Variants in CEP120 observed in about 807,000 individuals in gnomAD.
CEP120 encodes centrosomal protein 120, also known as centrosomal protein of 120 kDa.
Under a neutral mutation model 126.5 loss-of-function variants are expected in CEP120, and 113 were observed. That is an observed-to-expected ratio of 0.89 (90% confidence interval 0.77 to 1.04). The LOEUF (loss-of-function observed/expected upper bound fraction) is 1.04. CEP120 is among the 50% of genes least tolerant of loss of function. The pLI is 0.00. For synonymous variants in CEP120, 400 were observed against 394.3 expected (o/e 1.01, Z -0.17); for missense variants, 1,230 against 1,155.7 (o/e 1.06, Z -0.93).
At position 123,364,555 on chromosome 5, in the gene CEP120, T is replaced by C. The variant is rs766382269; in HGVS notation, c.2521A>G (p.Lys841Glu). ...CCCCACTGCTGCTTGTAATGCAGTT[T>C]AGACTTAGTTGCAGATTCCAACTTT... is the stretch of plus-strand genomic sequence containing the variant. ...ERKLESATKS[K>E]LHYKQQWGRA... The change falls in exon 18 of 20, where the codon AAA becomes GAA. Residue 841 changes from lysine to glutamate, a missense_variant. Physicochemically the swap from Lys to Glu is moderately conservative, Grantham distance 56. Transcript: ENST00000306467. The C allele has an allele frequency of 6.2e-7, 1 of 1,606,476 alleles. No individual in the cohort carries two copies.
At chr5:123,420,531 G>A (rs989436726) in intron 1 of CEP120, among the ~76,000 whole-genome samples, 4 of 152,188 alleles carry the variant, frequency 2.6e-5, no homozygotes, top group African/African-American at 9.7e-5. Context: ...GAGGGGAAAT[G>A]AGACTGAAAA....
intron 17 of CEP120, among the ~76,000 whole-genome samples, chr5:123,365,108 C>A (rs1458694161): frequency 6.6e-6 from 1 of 151,476 alleles, no homozygotes; most frequent in Non-Finnish European, 1.5e-5. Context: ...TATCAGAAAG[C>A]AGTTTACTAA....
intron 2 of CEP120, among the ~76,000 whole-genome samples, chr5:123,417,249 C>T (rs1774444511): frequency 1.3e-5 from 2 of 152,136 alleles, no homozygotes; most frequent in Admixed American, 1.3e-4. Flanking sequence ...CAAATAAATC[C>T]ATGGACTACT....
chr5:123,380,963 CTTATTT>C lies in CEP120; in HGVS notation c.2103+1142_2103+1147del, dbSNP rs1195657121. On this transcript the variant is annotated intron_variant, in intron 14 of 19. Transcript: ENST00000306467. ...TAAAGAATAGAGACTTTGAAATACT[CTTATTT>C]TTGTCTTTCAGCTTTTTTAAAAGTT... Among the ~76,000 whole-genome samples, 4 of 152,002 alleles carry C rather than the reference CTTATTT, an allele frequency of 2.6e-5. No individual in the cohort carries two copies. In the East Asian group the frequency reaches 7.7e-4, roughly 29 times the overall value.
rs772270704 is a variant in CEP120, at chr5:123,399,274, G to T, written c.474C>A (p.Ile158=). ...APPRDGKVPA[I]LAGLDPRDIV... The stretch of plus-strand genomic sequence containing the variant: ...TGTCCCTGGGGTCAAGTCCAGCCAG[G>T]ATGGCAGGTACTTTACAGAGAAAAA... Residue 158 remains isoleucine (I), a synonymous_variant, in exon 5 of 20, where the codon ATC becomes ATA. Transcript: ENST00000306467. 1 of 1,613,976 alleles carries T rather than the reference G, an allele frequency of 6.2e-7. No homozygotes were observed. The highest frequency in any genetic ancestry group is 8.5e-7 in the Non-Finnish European group (1 of 1,179,906).
At chr5:123,366,471 G>T (rs183320197) in intron 17 of CEP120, among the ~76,000 whole-genome samples, 1 of 151,652 alleles carries the variant, frequency 6.6e-6, no homozygotes, top group African/African-American at 2.4e-5. Flanking sequence ...AAAATTCACC[G>T]GTTTCCAATC....
At chr5:123,412,579 T>G in intron 3 of CEP120, 39 bp from the exon 4 acceptor site, 1 of 1,477,672 alleles carries the variant, frequency 6.8e-7, no homozygotes, top group Non-Finnish European at 9.2e-7. Flanking sequence ...TAATAGTTAA[T>G]AAGGGAAAAA....
chr5:123,378,558 A>G, intron 14 of CEP120, 130 bp from the exon 15 acceptor site: 1 of 487,132 alleles, frequency 2.1e-6, no homozygotes, highest in Non-Finnish European at 3.5e-6. Context: ...CACAAATTAC[A>G]TCCGCCAATT....
At chr5:123,423,826 G>C (rs749517219), upstream of CEP120, among the ~76,000 whole-genome samples, 1 of 152,010 alleles carries the variant, frequency 6.6e-6, no homozygotes, top group Non-Finnish European at 1.5e-5. Flanking sequence ...TCAAATTTCC[G>C]ACCTTTGAAA....
intron 17 of CEP120, among the ~76,000 whole-genome samples, chr5:123,371,632 G>A (rs541413448): frequency 1.3e-5 from 2 of 152,056 alleles, no homozygotes; most frequent in South Asian, 4.1e-4. Flanking sequence ...TGGCCTGAAG[G>A]AAGCTGGAGA....
Position 123,391,341 on chromosome 5 carries a change from A to G in CEP120, c.811-4T>C, listed in dbSNP as rs756709763. On this transcript the variant is annotated splice_region_variant and splice_polypyrimidine_tract_variant and intron_variant, in intron 6 of 19. Transcript: ENST00000306467. Reference sequence around the variant, plus strand: ...GGTCTCCACAGCAGAGGTGAATCTAATATGAAAGGGAAAAATCAAAATAGG... The same window carrying G: ...GGTCTCCACAGCAGAGGTGAATCTAGTATGAAAGGGAAAAATCAAAATAGG... 2 of 1,602,272 alleles carry G rather than the reference A, an allele frequency of 1.2e-6. No individual in the cohort carries two copies. Among genetic ancestry groups the G allele is most frequent in the African/African-American group, 2.7e-5 (2 of 74,554 alleles).
intron 11 of CEP120, among the ~76,000 whole-genome samples, chr5:123,383,436 T>C (rs904610253): frequency 1.3e-5 from 2 of 152,158 alleles, no homozygotes; most frequent in South Asian, 4.1e-4. Flanking sequence ...CATGCACACA[T>C]GCATGCTGAC....
At chr5:123,403,478 G>A in intron 4 of CEP120, 1 of 339,816 alleles carries the variant, frequency 2.9e-6, no homozygotes, top group South Asian at 2.3e-5. Flanking sequence ...TAAATAAAAA[G>A]AGAAAACTGT....
intron 8 of CEP120, among the ~76,000 whole-genome samples, chr5:123,389,455 T>C (rs1772243710): frequency 2.0e-5 from 3 of 152,226 alleles, no homozygotes; most frequent in Admixed American, 6.5e-5. Context: ...GTTAGATAGA[T>C]TGCAATGACT....
chr5:123,405,050 T>C (rs979235245), intron 4 of CEP120, among the ~76,000 whole-genome samples: 2 of 152,162 alleles, frequency 1.3e-5, no homozygotes, highest in Admixed American at 6.5e-5. Context: ...TTAGCCCTAA[T>C]AGCAAATAAA....
intron 15 of CEP120, 95 bp from the exon 16 acceptor site, chr5:123,377,630 G>A: frequency 1.1e-6 from 1 of 919,238 alleles, no homozygotes; most frequent in Non-Finnish European, 1.6e-6. Flanking sequence ...AAATGTTGAG[G>A]ATATTTACAA....
chr5:123,395,137 A>G (rs561918896), intron 5 of CEP120, among the ~76,000 whole-genome samples: 5 of 152,344 alleles, frequency 3.3e-5, no homozygotes, highest in Admixed American at 3.3e-4. Context: ...AAAGATCCTT[A>G]TATATTTCAC....
At position 123,385,106 on chromosome 5, in the gene CEP120, G is replaced by A. The variant is rs1041230160; in HGVS notation, c.1608C>T (p.His536=). 6.2e-7 allele frequency: 1 copy of A among 1,613,010 alleles called. No individual in the cohort carries two copies. The highest frequency in any genetic ancestry group is 8.5e-7 in the Non-Finnish European group (1 of 1,179,496). ...LRIPLLVELW[H]KDKMSKDLLL... ...GTAAATCTTTACTCATTTTATCCTT[G>A]TGCCATAGTTCAACCAGTAATGGAA... The change falls in exon 11 of 20, where the codon CAC becomes CAT. Residue 536 remains histidine, a synonymous_variant. Transcript: ENST00000306467.
intron 11 of CEP120, among the ~76,000 whole-genome samples, chr5:123,384,296 C>CT (rs200812746): frequency 0.012 from 1,875 of 150,456 alleles, 21 homozygotes; most frequent in Non-Finnish European, 0.017. Context: ...CCTTGTTTCT[C>CT]TTTTTTTTAG....
Sources: allele counts gnomAD v4.1 joint callset (sites outside exome capture counted in the v4.1 genomes callset), GRCh38; gene constraint gnomAD v4.1.1; transcripts MANE v1.5; gene names NCBI Gene and HGNC (gene_info 2026-07-23, HGNC 2026-07-21).